JARID2: variants seen among roughly 807,000 people sequenced by gnomAD.
JARID2 encodes the protein jumonji and AT-rich interaction domain containing 2.
A neutral mutation model predicts 125.6 loss-of-function variants in JARID2; 21 were observed. The ratio of observed to expected loss-of-function variants is 0.17; its 90% CI spans 0.12 to 0.24. The LOEUF is 0.24. Ranked by LOEUF, JARID2 falls within the 10% of genes least tolerant of loss-of-function variation. JARID2 has a pLI of 1.00. For synonymous variants in JARID2, 736 were observed against 661.6 expected, an observed-to-expected ratio of 1.11 and a Z score of -1.73; for missense variants, 1,303 against 1,639.6, an observed-to-expected ratio of 0.79 and a Z score of 3.55.
At chr6:15,399,525 A>G (rs1178308377) in intron 2 of JARID2, among the ~76,000 whole-genome samples, 2 of 152,064 alleles carry the variant, frequency 1.3e-5, no homozygotes, top group African/African-American at 4.8e-5. Context: ...ACATGTATAT[A>G]TATATTTATG....
intron 5 of JARID2, among the ~76,000 whole-genome samples, chr6:15,486,022 G>T (rs536420684): frequency 3.3e-5 from 5 of 152,210 alleles, no homozygotes; most frequent in Non-Finnish European, 7.4e-5. Context: ...TGGTTGGGGT[G>T]GGGATGGCCT....
At chr6:15,394,560 C>G (rs1404812693) in intron 2 of JARID2, among the ~76,000 whole-genome samples, 1 of 152,192 alleles carries the variant, frequency 6.6e-6, no homozygotes, top group African/African-American at 2.4e-5. Context: ...GATTGCGCTA[C>G]TTGACTGCAG....
intron 2 of JARID2, among the ~76,000 whole-genome samples, chr6:15,397,659 T>C (rs979460725): frequency 6.6e-5 from 10 of 152,240 alleles, no homozygotes; most frequent in Non-Finnish European, 1.2e-4. Context: ...AGAAGGTCTT[T>C]AAACATTTTG....
intron 1 of JARID2, among the ~76,000 whole-genome samples, chr6:15,252,276 T>C (rs1478617794): frequency 6.6e-6 from 1 of 152,200 alleles, no homozygotes; most frequent in Non-Finnish European, 1.5e-5. Flanking sequence ...AGTAGATTTG[T>C]CTGTCAGTTA....
At chr6:15,491,097 C>A (rs1770128350) in intron 6 of JARID2, among the ~76,000 whole-genome samples, 1 of 152,186 alleles carries the variant, frequency 6.6e-6, no homozygotes, top group Admixed American at 6.5e-5. Context: ...TGAGAATATT[C>A]TTTTAAAGTT....
At chr6:15,286,827 A>C (rs779435663) in intron 1 of JARID2, among the ~76,000 whole-genome samples, 44 of 148,638 alleles carry the variant, frequency 3.0e-4, no homozygotes, top group Non-Finnish European at 5.8e-4. Context: ...ATGCCACTGC[A>C]CTCCAGCCTG....
At chr6:15,468,307 AT>A (rs1222874433) in intron 4 of JARID2, among the ~76,000 whole-genome samples, 12 of 151,270 alleles carry the variant, frequency 7.9e-5, no homozygotes, top group Admixed American at 6.6e-4. Context: ...TTCAGATGAG[AT>A]TTTAAAAATC....
chr6:15,333,678 T>C (rs1762790604), intron 1 of JARID2, among the ~76,000 whole-genome samples: 1 of 152,252 alleles, frequency 6.6e-6, no homozygotes, highest in Non-Finnish European at 1.5e-5. Context: ...ATTTCCAGAA[T>C]GTATTCCTTA....
intron 2 of JARID2, among the ~76,000 whole-genome samples, chr6:15,389,777 G>C (rs1764929205): frequency 6.6e-6 from 1 of 152,166 alleles, no homozygotes; most frequent in Non-Finnish European, 1.5e-5. Flanking sequence ...AACCCTCTGT[G>C]GAAACGTGTC....
intron 1 of JARID2, among the ~76,000 whole-genome samples, chr6:15,343,977 G>T (rs1763157909): frequency 6.6e-6 from 1 of 152,138 alleles, no homozygotes; most frequent in African/African-American, 2.4e-5. Context: ...TGCTGATCCT[G>T]CGGAGAGGAC....
chr6:15,280,442 A>G (rs1018772804), intron 1 of JARID2, among the ~76,000 whole-genome samples: 2 of 152,194 alleles, frequency 1.3e-5, no homozygotes, highest in Non-Finnish European at 2.9e-5. Flanking sequence ...AAGATCATAA[A>G]GATTCAGCTA....
chr6:15,250,922 CT>C (rs34348303), intron 1 of JARID2, among the ~76,000 whole-genome samples: 89,017 of 147,800 alleles, frequency 0.6, 26,696 homozygotes, highest in African/African-American at 0.7. Context: ...CAAAATGGAA[CT>C]TTTTTTTTTT....
At chr6:15,315,133 A>G (rs1025143122) in intron 1 of JARID2, 2 of 152,258 alleles carry the variant, frequency 1.3e-5, no homozygotes, top group Admixed American at 6.5e-5. Context: ...TAATTTTTAC[A>G]TACTAAATAA....
chr6:15,420,371 A>G (rs1272689878), intron 3 of JARID2, among the ~76,000 whole-genome samples: 5 of 151,256 alleles, frequency 3.3e-5, no homozygotes, highest in African/African-American at 4.9e-5. Context: ...CCACTGCACT[A>G]CAGCCTGGGT....
chr6:15,314,244 T>C (rs1040219872), intron 1 of JARID2, among the ~76,000 whole-genome samples: 1 of 152,236 alleles, frequency 6.6e-6, no homozygotes, highest in African/African-American at 2.4e-5. Flanking sequence ...AAATTACCCA[T>C]TTATTTATAA....
At chr6:15,279,263 G>T (rs918605350) in intron 1 of JARID2, among the ~76,000 whole-genome samples, 1 of 152,138 alleles carries the variant, frequency 6.6e-6, no homozygotes, top group Admixed American at 6.5e-5. Context: ...TTGGTCGAAG[G>T]TTGTGTGTAT....
intron 17 of JARID2, 38 bp downstream of exon 17, chr6:15,517,306 G>GC: frequency 7.0e-7 from 1 of 1,422,026 alleles, no homozygotes; most frequent in Non-Finnish European, 9.9e-7. Context: ...GGGCGGCAGC[G>GC]TGGCGCCTTC....
At chr6:15,346,684 A>T (rs548278538) in intron 1 of JARID2, among the ~76,000 whole-genome samples, 1 of 150,600 alleles carries the variant, frequency 6.6e-6, no homozygotes, top group Non-Finnish European at 1.5e-5. Flanking sequence ...CAACGTCTGG[A>T]TGCTTGTAGT....
intron 3 of JARID2, among the ~76,000 whole-genome samples, chr6:15,443,909 TA>T (rs1326987614): frequency 6.6e-6 from 1 of 152,192 alleles, no homozygotes; most frequent in East Asian, 1.9e-4. Flanking sequence ...CAAAACATCA[TA>T]ATGTTTCATC....
Sources: allele counts gnomAD v4.1 joint callset (sites outside exome capture counted in the v4.1 genomes callset), GRCh38; gene constraint gnomAD v4.1.1; transcripts MANE v1.5; gene names NCBI Gene and HGNC (gene_info 2026-07-23, HGNC 2026-07-21).